The following NBDY variants were observed in gnomAD, a reference collection of about 807,000 sequenced individuals.
NBDY encodes negative regulator of P-body association.
chrX:56,805,381 A>G (rs1163801752), intron 2 of NBDY, among the ~76,000 whole-genome samples: 1 of 112,084 alleles, frequency 8.9e-6, no homozygotes, highest in Admixed American at 9.4e-5. Flanking sequence ...GCTTCCATAC[A>G]TCCTCAGGCA....
At chrX:56,737,135 A>G (rs756994063) in intron 2 of NBDY, 28 of 520,888 alleles carry the variant, frequency 5.4e-5, no homozygotes, top group Non-Finnish European at 8.8e-5. Flanking sequence ...ATTACAATAG[A>G]CATTTATTTA....
intron 2 of NBDY, among the ~76,000 whole-genome samples, chrX:56,756,096 A>T (rs1272617896): frequency 2.1e-5 from 2 of 94,240 alleles, no homozygotes; most frequent in East Asian, 3.8e-4. Context: ...AACAATGAGA[A>T]CACATGGACA....
chrX:56,801,111 GA>G (rs2069820305), intron 2 of NBDY, among the ~76,000 whole-genome samples: 1 of 111,417 alleles, frequency 9.0e-6, no homozygotes, highest in African/African-American at 3.3e-5. Context: ...CAAAGCCCTT[GA>G]TACCACTCGG....
chrX:56,763,138 T>G, intron 2 of NBDY, among the ~76,000 whole-genome samples: 1 of 112,901 alleles, frequency 8.9e-6, no homozygotes, highest in Admixed American at 9.3e-5. Flanking sequence ...GTGGGAAGTC[T>G]GTTAACAGAT....
At chrX:56,808,913 C>G (rs1190472643) in intron 2 of NBDY, among the ~76,000 whole-genome samples, 1 of 112,685 alleles carries the variant, frequency 8.9e-6, no homozygotes, top group Non-Finnish European at 1.9e-5. Flanking sequence ...ATAAGTTTCC[C>G]TCTCCACACT....
intron 2 of NBDY, among the ~76,000 whole-genome samples, chrX:56,782,710 G>A (rs191297233): frequency 1.3e-3 from 149 of 111,751 alleles, no homozygotes; most frequent in Non-Finnish European, 2.4e-3. Context: ...AAGTTGTCCC[G>A]TGTCTCCTTT....
intron 2 of NBDY, among the ~76,000 whole-genome samples, chrX:56,806,998 G>T (rs1018633069): frequency 6.3e-4 from 70 of 111,808 alleles, no homozygotes; most frequent in African/African-American, 2.1e-3. Context: ...TGTATAAAGT[G>T]TAAGGAAGGG....
At chrX:56,762,465 C>G (rs1447657675) in intron 2 of NBDY, among the ~76,000 whole-genome samples, 2 of 111,113 alleles carry the variant, frequency 1.8e-5, no homozygotes, top group African/African-American at 6.6e-5. Flanking sequence ...AAGGAGAAAG[C>G]TTCACTTTTG....
intron 2 of NBDY, among the ~76,000 whole-genome samples, chrX:56,750,817 C>A (rs1245643309): frequency 9.0e-6 from 1 of 111,351 alleles, no homozygotes; most frequent in African/African-American, 3.3e-5. Context: ...TCCCATTCCC[C>A]GGTTTGGACC....
chrX:56,749,288 A>G (rs2069571780), intron 2 of NBDY, among the ~76,000 whole-genome samples: 2 of 111,477 alleles, frequency 1.8e-5, no homozygotes, highest in Middle Eastern at 4.6e-3. Flanking sequence ...GAAATTTTCT[A>G]TATCCCATAC....
intron 2 of NBDY, among the ~76,000 whole-genome samples, chrX:56,739,611 A>G (rs5960204): frequency 0.54 from 58,070 of 108,339 alleles, 14,206 homozygotes; most frequent in Non-Finnish European, 0.74. Flanking sequence ...TACGCATATT[A>G]GCAAAAGCAC....
intron 2 of NBDY, among the ~76,000 whole-genome samples, chrX:56,796,882 A>G (rs1338427768): frequency 9.0e-6 from 1 of 111,509 alleles, no homozygotes; most frequent in Non-Finnish European, 1.9e-5. Flanking sequence ...TAAGTGGGAC[A>G]TGACCGGTGG....
intron 2 of NBDY, chrX:56,811,092 C>G (rs2069883818): frequency 8.9e-6 from 1 of 112,414 alleles, no homozygotes; most frequent in Non-Finnish European, 1.9e-5. Context: ...GGCTGCAGAC[C>G]AGCAAAGATT....
intron 2 of NBDY, among the ~76,000 whole-genome samples, chrX:56,781,150 A>T (rs5914796): frequency 0.54 from 59,520 of 110,252 alleles, 14,218 homozygotes; most frequent in Non-Finnish European, 0.74. Context: ...ATCACGTCTG[A>T]ACTATATCCT....
chrX:56,791,438 C>A (rs187226887), intron 2 of NBDY, among the ~76,000 whole-genome samples: 1 of 111,677 alleles, frequency 9.0e-6, no homozygotes, highest in East Asian at 2.8e-4. Flanking sequence ...GGGGGTCCTT[C>A]CCTGCCTTGG....
intron 2 of NBDY, among the ~76,000 whole-genome samples, chrX:56,781,483 G>A (rs1227666539): frequency 1.8e-5 from 2 of 111,561 alleles, no homozygotes; most frequent in Non-Finnish European, 3.8e-5. Flanking sequence ...CTTCTGGCTG[G>A]CGCCTTATCC....
intron 2 of NBDY, among the ~76,000 whole-genome samples, chrX:56,784,777 A>C (rs771457506): frequency 1.8e-5 from 2 of 111,571 alleles, no homozygotes; most frequent in Non-Finnish European, 3.8e-5. Context: ...GAGTCGGTCG[A>C]GGACAAATTT....
At chrX:56,784,679 G>A (rs2069716412) in intron 2 of NBDY, among the ~76,000 whole-genome samples, 1 of 111,377 alleles carries the variant, frequency 9.0e-6, no homozygotes, top group African/African-American at 3.3e-5. Context: ...TGGTGGTAGG[G>A]CAACTGTGCC....
chrX:56,788,811 C>A (rs2069744885), intron 2 of NBDY, among the ~76,000 whole-genome samples: 2 of 112,299 alleles, frequency 1.8e-5, no homozygotes, highest in Admixed American at 1.9e-4. Context: ...ACTGACTCGT[C>A]TTGGGGCTGC....
Sources: allele counts gnomAD v4.1 joint callset (sites outside exome capture counted in the v4.1 genomes callset), GRCh38; gene constraint gnomAD v4.1.1; transcripts MANE v1.5; gene names NCBI Gene and HGNC (gene_info 2026-07-23, HGNC 2026-07-21).